PARD3B: variants seen among roughly 807,000 people sequenced by gnomAD.
PARD3B encodes partitioning defective 3 homolog B.
In PARD3B, 103 loss-of-function variants were observed where a neutral mutation model predicts 130.2. That is an observed-to-expected ratio of 0.79 (90% CI 0.67 to 0.93). The LOEUF (loss-of-function observed/expected upper bound fraction) is 0.93. Ranked by LOEUF, PARD3B falls within the 40% of genes least tolerant of loss-of-function variation. The pLI, the probability that PARD3B is intolerant of heterozygous loss-of-function variation, is 0.00. For missense variants in PARD3B, 1,609 were observed against 1,499.2 expected (o/e 1.07, Z -1.21); for synonymous variants, 583 against 553.2 (o/e 1.05, Z -0.76).
chr2:204,906,012 G>C lies in PARD3B; in HGVS notation c.223-59140G>C, dbSNP rs2047030381. Among the ~76,000 whole-genome samples the C allele has an allele frequency of 6.6e-6, 1 of 152,190 alleles. No homozygotes were observed. The highest frequency in any genetic ancestry group is 2.4e-5 in the African/African-American group (1 of 41,440). On this transcript the variant is annotated intron_variant, in intron 2 of 22. Coordinates refer to ENST00000406610, the MANE Select transcript of PARD3B (RefSeq NM_001302769.2). This position sits in a 1 kb window ranked among gnomAD's most constrained non-coding sequence, Gnocchi z 4.3. The stretch of plus-strand genomic sequence containing the variant: ...AAAATCCGGATTTGGAAGGCAAAGG[G>C]AACAGGACAACAAGGGTAGTTGTAG...
chr2:205,445,817 C>T (rs921580084), intron 20 of PARD3B, among the ~76,000 whole-genome samples: 6 of 152,224 alleles, frequency 3.9e-5, no homozygotes, highest in Admixed American at 3.3e-4. Context: ...CTTCCAAATA[C>T]TGCTGCATGA....
At chr2:205,423,880 C>G (rs2106103437) in intron 19 of PARD3B, among the ~76,000 whole-genome samples, 1 of 152,150 alleles carries the variant, frequency 6.6e-6, no homozygotes, top group Middle Eastern at 3.4e-3. Context: ...TAAGTGGGAA[C>G]TAAATGATGA....
rs1275841653 is a variant in PARD3B, at chr2:204,726,937, C to T, written c.222+40655C>T. 3.9e-5 allele frequency among the ~76,000 whole-genome samples: 6 copies of T among 152,126 alleles called. No individual in the cohort carries two copies. The South Asian group carries it at 6.2e-4, about 16-fold the overall frequency. On this transcript the variant is annotated intron_variant, in intron 2 of 22. Coordinates refer to ENST00000406610, the MANE Select transcript of PARD3B (RefSeq NM_001302769.2). ...ATTCATTTTTCTACAATTCTTTAAT[C>T]GTTTTCCTTTCTCAGACAAGTTGCT... is the stretch of plus-strand genomic sequence containing the variant.
chr2:204,580,916 A>T (rs1245239598), intron 1 of PARD3B, among the ~76,000 whole-genome samples: 1 of 152,238 alleles, frequency 6.6e-6, no homozygotes, highest in African/African-American at 2.4e-5. Context: ...TTTAAATTAC[A>T]GTACTCATCT....
chr2:205,035,110 C>G (rs71427766), intron 3 of PARD3B, among the ~76,000 whole-genome samples: 34,949 of 151,942 alleles, frequency 0.23, 4,292 homozygotes, highest in Middle Eastern at 0.3. Context: ...TGATCCCCCC[C>G]CCTCAGCCTC....
intron 10 of PARD3B, among the ~76,000 whole-genome samples, chr2:205,143,102 A>C (rs2033102661): frequency 6.6e-6 from 1 of 152,204 alleles, no homozygotes; most frequent in Non-Finnish European, 1.5e-5. Flanking sequence ...AAGAATTCTT[A>C]ATTCCATTAC....
intron 2 of PARD3B, among the ~76,000 whole-genome samples, chr2:204,821,597 G>C (rs1219639734): frequency 6.6e-6 from 1 of 150,718 alleles, no homozygotes; most frequent in Non-Finnish European, 1.5e-5. Context: ...AATGCTAAAT[G>C]ACAAGTTAAT....
chr2:204,650,242 A>G (rs2035431401), intron 1 of PARD3B, among the ~76,000 whole-genome samples: 1 of 152,202 alleles, frequency 6.6e-6, no homozygotes, highest in Non-Finnish European at 1.5e-5. Context: ...TTAAAAAGCC[A>G]AAAATAAGAT....
chr2:205,305,873 A>G (rs2042166765), intron 18 of PARD3B, among the ~76,000 whole-genome samples: 1 of 152,240 alleles, frequency 6.6e-6, no homozygotes, highest in Non-Finnish European at 1.5e-5. Flanking sequence ...AGTAAACATA[A>G]TAATGACCCC....
intron 2 of PARD3B, among the ~76,000 whole-genome samples, chr2:204,789,330 C>A (rs1244993035): frequency 6.6e-6 from 1 of 152,200 alleles, no homozygotes; most frequent in African/African-American, 2.4e-5. Context: ...GGTTAACAGG[C>A]ATGAGCCACC....
chr2:204,988,298 A>C (rs1308694871), intron 3 of PARD3B, among the ~76,000 whole-genome samples: 1 of 152,194 alleles, frequency 6.6e-6, no homozygotes, highest in Non-Finnish European at 1.5e-5. Flanking sequence ...AAAACAATTG[A>C]ACTCATGGAC....
intron 10 of PARD3B, among the ~76,000 whole-genome samples, chr2:205,153,799 G>A (rs1162553099): frequency 3.9e-5 from 6 of 152,146 alleles, no homozygotes; most frequent in Non-Finnish European, 7.4e-5. Context: ...ATGGGGAAAG[G>A]ATTCCCTATT....
intron 18 of PARD3B, among the ~76,000 whole-genome samples, chr2:205,315,329 C>T (rs995996689): frequency 5.3e-5 from 8 of 152,012 alleles, no homozygotes; most frequent in African/African-American, 1.7e-4. Context: ...AGAGTGGCCC[C>T]GAGACTAAAC....
rs1203968640 is a variant in PARD3B at position 205,244,849 on chromosome 2, C to T, written c.2141-929C>T. Among the ~76,000 whole-genome samples the T allele has an allele frequency of 1.3e-5, 2 of 152,080 alleles. No homozygotes were observed. Among genetic ancestry groups the T allele is most frequent in the African/African-American group, 4.8e-5 (2 of 41,412 alleles). ...CCCTTCTTCACATTCAAATGGATGC[C>T]CTTCAGTTATGAAGTTTTCTACTCT... On this transcript the variant is annotated intron_variant, in intron 15 of 22. Transcript: ENST00000406610. This position sits in a 1 kb window ranked among gnomAD's most constrained non-coding sequence, Gnocchi z 4.7.
chr2:205,421,782 T>C lies in PARD3B; in HGVS notation c.2742-18588T>C, dbSNP rs969556582. 1.3e-5 allele frequency among the ~76,000 whole-genome samples: 2 copies of C among 152,366 alleles called. No homozygotes were observed. The highest frequency in any genetic ancestry group is 2.1e-4 in the South Asian group (1 of 4,834). ...TCAAGATGTCAACTGAGCTGATTCC[T>C]TTTGCAGACTCATTGTCATTGGCTT... On this transcript the variant is annotated intron_variant, in intron 19 of 22. Coordinates refer to ENST00000406610, the MANE Select transcript of PARD3B (RefSeq NM_001302769.2). This position sits in a 1 kb window ranked among gnomAD's most constrained non-coding sequence, Gnocchi z 5.1.
intron 4 of PARD3B, among the ~76,000 whole-genome samples, chr2:205,098,702 C>A (rs945333736): frequency 3.9e-5 from 6 of 152,112 alleles, no homozygotes; most frequent in Non-Finnish European, 8.8e-5. Flanking sequence ...ACCTTAATCA[C>A]CCCTGGAGAG....
intron 19 of PARD3B, among the ~76,000 whole-genome samples, chr2:205,429,942 A>G (rs960899902): frequency 1.3e-5 from 2 of 152,120 alleles, no homozygotes; most frequent in African/African-American, 4.8e-5. Context: ...ACATGGCTCC[A>G]ATTTCTGCCT....
At chr2:205,305,757 A>C (rs1422600750) in intron 18 of PARD3B, among the ~76,000 whole-genome samples, 2 of 152,220 alleles carry the variant, frequency 1.3e-5, no homozygotes, top group Non-Finnish European at 2.9e-5. Flanking sequence ...AAACATGAGA[A>C]GCATAATAGA....
intron 2 of PARD3B, among the ~76,000 whole-genome samples, chr2:204,781,099 A>G (rs1193914084): frequency 6.6e-6 from 1 of 152,156 alleles, no homozygotes; most frequent in Non-Finnish European, 1.5e-5. Flanking sequence ...TTTCAGTGGT[A>G]TGTAATGATA....
Sources: gnomAD v4.1 joint callset for allele counts (sites outside exome capture counted in the v4.1 genomes callset) on GRCh38, gnomAD v4.1.1 for gene constraint, Gnocchi (gnomAD v3.1) non-coding constraint, MANE v1.5 for transcripts, NCBI Gene and HGNC (gene_info 2026-07-23, HGNC 2026-07-21) for gene names.